Variants in SCN2A observed in about 807,000 individuals in gnomAD.
SCN2A encodes the protein sodium channel protein type 2 subunit alpha.
Under a neutral mutation model 188.7 loss-of-function variants are expected in SCN2A, and 20 were observed. That is an observed-to-expected ratio of 0.11 (90% CI 0.07 to 0.15). SCN2A has a LOEUF of 0.15. Among genes scored for constraint, SCN2A ranks in the 10% least tolerant of loss-of-function variants. The pLI is 1.00. For missense variants in SCN2A, 1,278 were observed against 2,445.0 expected (o/e 0.52, Z 10.07); for synonymous variants, 804 against 833.1 (o/e 0.97, Z 0.60).
intron 16 of SCN2A, among the ~76,000 whole-genome samples, chr2:165,351,155 T>C (rs1236513244): frequency 1.3e-5 from 2 of 152,184 alleles, no homozygotes; most frequent in African/African-American, 4.8e-5. Flanking sequence ...TACCTAGCAC[T>C]CGAATTCTAA....
intron 3 of SCN2A, among the ~76,000 whole-genome samples, chr2:165,302,978 AC>A (rs1696904900): frequency 6.6e-6 from 1 of 152,226 alleles, no homozygotes; most frequent in African/African-American, 2.4e-5. Flanking sequence ...AGATTAAAAA[AC>A]ATCTTTGTCC....
Position 165,280,109 on chromosome 2 carries a change from T to A in SCN2A, c.-51-15664T>A, listed in dbSNP as rs372166980. On this transcript the variant is annotated intron_variant, in intron 1 of 26. Transcript: ENST00000375437. ...TTGCCCAGTCTCAGGTATGTCTTTA[T>A]CAGCAGCGTGAAAACAGACTAATAC... 9.8e-4 allele frequency among the ~76,000 whole-genome samples: 149 copies of A among 152,298 alleles called. No individual in the cohort carries two copies. The South Asian group carries it at 0.03, about 31-fold the overall frequency.
chr2:165,352,379 TA>T (rs949183949), intron 16 of SCN2A, among the ~76,000 whole-genome samples: 2 of 151,926 alleles, frequency 1.3e-5, no homozygotes, highest in African/African-American at 2.4e-5. Context: ...ATTTTTACTT[TA>T]AAAAAAATCA....
rs1698178074 is a variant in SCN2A at position 165,323,496 on chromosome 2, C to T, written c.2012C>T (p.Pro671Leu). 1 of 1,610,808 alleles carries T rather than the reference C, an allele frequency of 6.2e-7. No homozygotes were observed. Among genetic ancestry groups the T allele is most frequent in the Non-Finnish European group, 8.5e-7 (1 of 1,178,488 alleles). The change falls in exon 12 of 27, where the codon CCA (proline) becomes CTA (leucine). Residue 671 changes from proline (P) to leucine (L), a missense_variant. Physicochemically the swap from Pro to Leu is moderately conservative, Grantham distance 98 (BLOSUM62 -3). This residue lies in a region of SCN2A where 315 missense variants were observed against 386.6 expected (regional missense o/e 0.81). Coordinates refer to ENST00000375437, the MANE Select transcript of SCN2A (RefSeq NM_001040142.2). The stretch of plus-strand genomic sequence containing the variant: ...CTCACATCTGCTGGGCAGCTCCTAC[C>T]AGAGGTGAGGCCAATTAAAATTGCA... The part of the protein sequence containing the change: ...STLTSAGQLL[P>L]EGTTTETEIR...
intron 14 of SCN2A, among the ~76,000 whole-genome samples, chr2:165,332,208 T>C (rs1553574986): frequency 6.6e-6 from 1 of 152,022 alleles, no homozygotes; most frequent in Non-Finnish European, 1.5e-5. Context: ...TTTATACAAG[T>C]ATAAAATGCT....
chr2:165,386,908 G>T lies in SCN2A; in HGVS notation c.4714G>T (p.Val1572Phe), dbSNP rs2105398464. The change falls in exon 26 of 27, where the codon GTT becomes TTT. Residue 1572 changes from valine to phenylalanine, a missense_variant. By Grantham distance (50) the Val-to-Phe change is conservative (BLOSUM62 -1). Around this residue, in one of 17 missense-constraint regions of SCN2A, gnomAD observed 97 missense variants for 266.1 expected, o/e 0.36. Transcript: ENST00000375437. ...GTACTGGATTAATCTGGTGTTTATT[G>T]TTCTGTTCACTGGAGAATGTGTGCT... ...ILYWINLVFI[V>F]LFTGECVLKL... is the part of the protein sequence containing the mutation. 1 of 1,613,894 alleles carries T rather than the reference G, an allele frequency of 6.2e-7. No homozygotes were observed. Among genetic ancestry groups the T allele is most frequent in the Non-Finnish European group, 8.5e-7 (1 of 1,179,902 alleles).
intron 25 of SCN2A, among the ~76,000 whole-genome samples, chr2:165,384,397 T>C (rs1701756579): frequency 6.6e-6 from 1 of 152,136 alleles, no homozygotes; most frequent in Non-Finnish European, 1.5e-5. Flanking sequence ...TTATACATCT[T>C]GTTCCAGCAT....
At position 165,310,449 on chromosome 2, in the gene SCN2A, G is replaced by A. The variant is rs1697366992; in HGVS notation, c.824G>A (p.Arg275Gln). The change falls in exon 7 of 27, where the codon CGA (arginine) becomes CAA (glutamine). Residue 275 changes from arginine to glutamine, a missense_variant. Transcript: ENST00000375437. ...TTGCAGTTGTTCATGGGCAACCTAC[G>A]AAATAAATGTTTGCAATGGCCTCCA... Reference protein sequence around the residue: ...IGLQLFMGNLRNKCLQWPPDN... With the variant: ...IGLQLFMGNLQNKCLQWPPDN... 3.1e-6 allele frequency: 5 copies of A among 1,613,610 alleles called. No individual in the cohort carries two copies. Among genetic ancestry groups the A allele is most frequent in the Non-Finnish European group, 3.4e-6 (4 of 1,179,672 alleles).
chr2:165,385,122 T>C (rs1558882725), intron 25 of SCN2A, among the ~76,000 whole-genome samples: 1 of 152,046 alleles, frequency 6.6e-6, no homozygotes, highest in Non-Finnish European at 1.5e-5. Context: ...ACAAGTAGTG[T>C]TTGATGTCCA....
chr2:165,349,197 C>T (rs549064366), intron 16 of SCN2A, among the ~76,000 whole-genome samples: 9 of 152,186 alleles, frequency 5.9e-5, no homozygotes, highest in East Asian at 1.9e-4. Context: ...GAAAAGAAAA[C>T]GCAGAGAACA....
chr2:165,291,495 C>CTTTCTTTTTCTTTCTTTCTTTCT (rs1559340349), intron 1 of SCN2A, among the ~76,000 whole-genome samples: 1 of 44,272 alleles, frequency 2.3e-5, no homozygotes, highest in Non-Finnish European at 4.4e-5. Context: ...TCTTTCTTTT[C>CTTTCTTTTTCTTTCTTTCTTTCT]TTTCTTTCTT....
At chr2:165,319,571 G>C (rs1288552466) in intron 11 of SCN2A, among the ~76,000 whole-genome samples, 1 of 152,178 alleles carries the variant, frequency 6.6e-6, no homozygotes. Context: ...GGCAAAGGAA[G>C]AGGTTTAATT....
At chr2:165,287,582 G>T (rs185688095) in intron 1 of SCN2A, among the ~76,000 whole-genome samples, 90 of 151,816 alleles carry the variant, frequency 5.9e-4, no homozygotes, top group African/African-American at 2.1e-3. Context: ...TATTATTTTA[G>T]ACAGTTTAGT....
Position 165,315,746 on chromosome 2 carries a change from T to C in SCN2A, c.1659T>C (p.Ser553=). The change falls in exon 11 of 27, where the codon TCT becomes TCC. Residue 553 remains serine, a synonymous_variant. Coordinates refer to ENST00000375437, the MANE Select transcript of SCN2A (RefSeq NM_001040142.2). ...GGCTGACATATGAAAAGAGATTTTC[T>C]TCTCCACACCAGGTAAAAATATTAA... ...GSRLTYEKRF[S]SPHQSLLSIR... is the part of the protein sequence containing the mutation. 1 of 1,611,586 alleles carries C rather than the reference T, an allele frequency of 6.2e-7. No homozygotes were observed. Among genetic ancestry groups the C allele is most frequent in the Non-Finnish European group, 8.5e-7 (1 of 1,178,510 alleles).
intron 21 of SCN2A, 37 bp downstream of exon 21, chr2:165,373,384 A>G (rs758413937): frequency 1.4e-5 from 23 of 1,610,490 alleles, no homozygotes; most frequent in Non-Finnish European, 1.9e-5. Context: ...CAGAATTATT[A>G]TTGAGAGCAG....
intron 23 of SCN2A, 82 bp from the exon 24 acceptor site, chr2:165,380,510 C>T: frequency 2.0e-6 from 2 of 1,004,928 alleles, no homozygotes; most frequent in Non-Finnish European, 3.1e-6. Context: ...TTAAAACATG[C>T]TTAGATAATT....
At chr2:165,284,217 T>G (rs1261749697) in intron 1 of SCN2A, among the ~76,000 whole-genome samples, 1 of 152,024 alleles carries the variant, frequency 6.6e-6, no homozygotes, top group Non-Finnish European at 1.5e-5. Context: ...GTCGCCCAGG[T>G]TGGAGTGCAG....
chr2:165,376,229 T>C (rs1466930654), intron 22 of SCN2A, among the ~76,000 whole-genome samples: 2 of 151,866 alleles, frequency 1.3e-5, no homozygotes, highest in Non-Finnish European at 2.9e-5. Context: ...AAGCGATAAT[T>C]ATATATTACT....
intron 1 of SCN2A, chr2:165,270,039 C>CT (rs1695036674): frequency 6.6e-6 from 1 of 151,922 alleles, no homozygotes; most frequent in Non-Finnish European, 1.5e-5. Context: ...CTGTTGTTTA[C>CT]TTTAATCTCT....
Sources: allele counts gnomAD v4.1 joint callset (sites outside exome capture counted in the v4.1 genomes callset), GRCh38; gene constraint gnomAD v4.1.1; regional missense constraint gnomAD v4.1.1; transcripts MANE v1.5; gene names NCBI Gene and HGNC (gene_info 2026-07-23, HGNC 2026-07-21).